Variants in CCNH observed in about 807,000 individuals in gnomAD.
CCNH encodes cyclin H, also known as cyclin-H.
A neutral mutation model predicts 41.9 loss-of-function variants in CCNH; 31 were observed. The ratio of observed to expected loss-of-function variants is 0.74; its 90% confidence interval spans 0.56 to 1.00. CCNH has a LOEUF of 1.00. CCNH is among the 50% of genes least tolerant of loss of function. The pLI, the probability that CCNH is intolerant of heterozygous loss-of-function variation, is 0.00. For synonymous variants in CCNH, 138 were observed against 136.1 expected (o/e 1.01, Z -0.10); for missense variants, 362 against 388.4 (o/e 0.93, Z 0.57).
rs374633615 is a variant in CCNH, at chr5:87,326,739, G to A, written c.*91-7842C>T. 2.6e-5 allele frequency among the ~76,000 whole-genome samples: 4 copies of A among 152,230 alleles called. No individual in the cohort carries two copies. In the South Asian group the frequency reaches 8.3e-4, roughly 32 times the overall value. On this transcript the variant is annotated intron_variant and NMD_transcript_variant, in intron 9 of 9. Coordinates refer to the CCNH transcript ENST00000645953. The stretch of plus-strand genomic sequence containing the variant: ...GGGGCTCTTTGGGGGTTTCCTTCTA[G>A]AGTTGCCAGGTGAAATAGAATTTCT...
intron 9 of CCNH, among the ~76,000 whole-genome samples, chr5:87,340,727 T>G (rs1164468870): frequency 1.3e-5 from 2 of 152,126 alleles, no homozygotes; most frequent in African/African-American, 4.8e-5. Context: ...GATAGTTCCT[T>G]CCCAGATTGG....
At chr5:87,316,877 G>T (rs1747773024), downstream of CCNH, among the ~76,000 whole-genome samples, 1 of 151,856 alleles carries the variant, frequency 6.6e-6, no homozygotes, top group African/African-American at 2.4e-5. Flanking sequence ...CTGCTACTTG[G>T]ATACCACATT....
rs1268277852 is a variant in CCNH, at chr5:87,331,629, A to G, written c.*91-12732T>C. The G allele has an allele frequency of 2.8e-6, 3 of 1,059,558 alleles. No individual in the cohort carries two copies. In the Admixed American group the frequency reaches 6.2e-5, roughly 22 times the overall value. 65.6% of individuals were successfully genotyped at this position (1,059,558 alleles called of 1,614,324 possible). On this transcript the variant is annotated intron_variant and NMD_transcript_variant, in intron 9 of 9. Coordinates refer to the CCNH transcript ENST00000645953. ...TAGAGAAGGAAGCTTGTTTTCAGTC[A>G]AATGATTTAATCAGTGATTTAGAGA... is the stretch of plus-strand genomic sequence containing the variant.
At chr5:87,349,434 C>CA in intron 9 of CCNH, 1 of 1,529,056 alleles carries the variant, frequency 6.5e-7, no homozygotes, top group Non-Finnish European at 9.0e-7. Flanking sequence ...ATACAGTATT[C>CA]AGAGTCAAAA....
chr5:87,335,138 T>G lies in CCNH; in HGVS notation c.*91-16241A>C, dbSNP rs941664405. 6.6e-5 allele frequency among the ~76,000 whole-genome samples: 10 copies of G among 152,136 alleles called. No homozygotes were observed. The East Asian group carries it at 1.7e-3, about 26-fold the overall frequency. On this transcript the variant is annotated intron_variant and NMD_transcript_variant, in intron 9 of 9. Coordinates refer to the CCNH transcript ENST00000645953. The stretch of plus-strand genomic sequence containing the variant: ...CTCAAGTGATCTGCCCGCCTTGGCC[T>G]CCCAAAGTGCTGGAATTATGGGCAT...
At chr5:87,325,351 A>C (rs778726655) in intron 9 of CCNH, among the ~76,000 whole-genome samples, 2 of 152,250 alleles carry the variant, frequency 1.3e-5, no homozygotes, top group Non-Finnish European at 2.9e-5. Context: ...GACACAGCCA[A>C]ACCATATCAC....
intron 9 of CCNH, among the ~76,000 whole-genome samples, chr5:87,331,804 T>C (rs1202654636): frequency 6.6e-6 from 1 of 152,148 alleles, no homozygotes; most frequent in Non-Finnish European, 1.5e-5. Context: ...TTGTATACTT[T>C]TAGACTGCAG....
intron 3 of CCNH, 154 bp downstream of exon 3, chr5:87,409,136 A>T (rs1764023008): frequency 4.9e-6 from 1 of 203,110 alleles, no homozygotes; most frequent in Non-Finnish European, 9.6e-6. Context: ...AGTTCTGAAT[A>T]AAAAAAAAAA....
chr5:87,342,746 T>C (rs900649393), intron 9 of CCNH, among the ~76,000 whole-genome samples: 4 of 152,216 alleles, frequency 2.6e-5, no homozygotes, highest in African/African-American at 9.6e-5. Context: ...GTAATCACTT[T>C]GTCTAGTTGT....
chr5:87,399,013 TCTAG>T (rs1249922101), intron 7 of CCNH, among the ~76,000 whole-genome samples: 4 of 151,576 alleles, frequency 2.6e-5, no homozygotes, highest in Admixed American at 2.0e-4. Context: ...CTTTCTCTAC[TCTAG>T]CTAACAGAAG....
intron 7 of CCNH, 69 bp from the exon 8 acceptor site, chr5:87,395,173 T>C: frequency 2.2e-6 from 3 of 1,388,442 alleles, no homozygotes; most frequent in Non-Finnish European, 3.0e-6. Context: ...TAAAATAAAC[T>C]AGCAAGGCTA....
intron 1 of CCNH, among the ~76,000 whole-genome samples, chr5:87,411,860 T>A (rs1764270475): frequency 6.6e-6 from 1 of 152,130 alleles, no homozygotes; most frequent in Non-Finnish European, 1.5e-5. Context: ...GAAATAGATG[T>A]GAATTAAAGG....
At chr5:87,390,653 A>ATAAT (rs567052024), downstream of CCNH, 1,530 of 722,690 alleles carry the variant, frequency 2.1e-3, 2 homozygotes, top group Non-Finnish European at 3.0e-3. Flanking sequence ...CAATGACTGA[A>ATAAT]TAATAGAGAC....
At chr5:87,361,688 CAT>C (rs1760105162) in intron 9 of CCNH, among the ~76,000 whole-genome samples, 1 of 152,144 alleles carries the variant, frequency 6.6e-6, no homozygotes, top group Non-Finnish European at 1.5e-5. Flanking sequence ...TATAATGTAA[CAT>C]ATGCATTCCT....
rs2112456838 is a variant in CCNH at position 87,362,607 on chromosome 5, C to A, written c.*90+30163G>T. On this transcript the variant is annotated intron_variant and NMD_transcript_variant, in intron 9 of 9. Transcript: ENST00000645953. ...ATGGCAAGGAAATCTATAATACCAT[C>A]CGTCGTAAAACAAAGGATGCCTTTT... is the stretch of plus-strand genomic sequence containing the variant. The A allele has an allele frequency of 6.3e-7, 1 of 1,596,646 alleles. No homozygotes were observed. The highest frequency in any genetic ancestry group is 1.1e-5 in the South Asian group (1 of 90,718).
chr5:87,331,579 A>T lies in CCNH; in HGVS notation c.*91-12682T>A, dbSNP rs113690917. 22 of 1,475,740 alleles carry T rather than the reference A, an allele frequency of 1.5e-5. No individual in the cohort carries two copies. In the African/African-American group the frequency reaches 1.7e-4, roughly 11 times the overall value. The allele number at this position is 1,475,740 out of a possible 1,614,324, so 91.4% of individuals were successfully genotyped here. A position where few individuals can be genotyped will look rare whatever the true frequency, so the allele number is the denominator to read the frequency against. ...ATTCATAAATATACCTGTATAATAAAGGTGAATGACTCAGTAACAAATAAT... is the reference window on the plus strand; with the variant it reads ...ATTCATAAATATACCTGTATAATAATGGTGAATGACTCAGTAACAAATAAT... On this transcript the variant is annotated intron_variant and NMD_transcript_variant, in intron 9 of 9. Coordinates refer to the CCNH transcript ENST00000645953.
intron 2 of CCNH, among the ~76,000 whole-genome samples, chr5:87,410,522 T>C (rs1430749851): frequency 1.3e-5 from 2 of 152,154 alleles, no homozygotes; most frequent in East Asian, 3.8e-4. Context: ...CGTAAGCTAG[T>C]CACGCTGTAT....
chr5:87,412,317 C>CT, intron 1 of CCNH: 1 of 748,096 alleles, frequency 1.3e-6, no homozygotes, highest in Non-Finnish European at 1.7e-6. Flanking sequence ...GTGGTTCTGA[C>CT]TGCCTGGAAC....
rs534347909 is a variant in CCNH at position 87,386,434 on chromosome 5, ATC to A, written c.*90+6334_*90+6335del. On this transcript the variant is annotated intron_variant and NMD_transcript_variant, in intron 9 of 9. Transcript: ENST00000645953. The stretch of plus-strand genomic sequence containing the variant: ...TTATATTGTATTTTAATTCCCTGTA[ATC>A]TCTGCTGGATTCAAACCTATGATTT... Among the ~76,000 whole-genome samples, 19 of 152,076 alleles carry A rather than the reference ATC, an allele frequency of 1.2e-4. No individual in the cohort carries two copies. The South Asian group carries it at 3.7e-3, about 30-fold the overall frequency.
Sources: allele counts gnomAD v4.1 joint callset (sites outside exome capture counted in the v4.1 genomes callset), GRCh38; gene constraint gnomAD v4.1.1; transcripts MANE v1.5; gene names NCBI Gene and HGNC (gene_info 2026-07-23, HGNC 2026-07-21).